GRXCR1: variants seen among roughly 807,000 people sequenced by gnomAD.
GRXCR1 encodes glutaredoxin and cysteine rich domain containing 1.
In GRXCR1, 27 loss-of-function variants were observed where a neutral mutation model predicts 27.3. The observed-to-expected ratio is 0.99, with a 90% confidence interval of 0.73 to 1.37. The LOEUF is 1.37. Among genes scored for constraint, GRXCR1 ranks in the 40% most tolerant of loss-of-function variants. The pLI, the probability that GRXCR1 is intolerant of heterozygous loss-of-function variation, is 0.00. For synonymous variants in GRXCR1, 122 were observed against 131.1 expected (o/e 0.93, Z 0.47); for missense variants, 379 against 354.4 (o/e 1.07, Z -0.56).
At chr4:42,972,959 G>C (rs577241692) in intron 2 of GRXCR1, among the ~76,000 whole-genome samples, 2 of 151,950 alleles carry the variant, frequency 1.3e-5, no homozygotes, top group Non-Finnish European at 2.9e-5. Context: ...ACAATTTTCT[G>C]TCCTTTAGTC....
intron 1 of GRXCR1, among the ~76,000 whole-genome samples, chr4:42,931,952 G>A (rs557864349): frequency 6.6e-6 from 1 of 151,912 alleles, no homozygotes; most frequent in Non-Finnish European, 1.5e-5. Context: ...CATGGTGGCC[G>A]GCAATAGAGA....
chr4:42,999,620 T>C (rs1218521543), intron 2 of GRXCR1, among the ~76,000 whole-genome samples: 1 of 152,248 alleles, frequency 6.6e-6, no homozygotes, highest in Non-Finnish European at 1.5e-5. Context: ...GTCCACTTTT[T>C]CCCTCAAGAT....
intron 3 of GRXCR1, among the ~76,000 whole-genome samples, chr4:43,021,045 G>T (rs1472710923): frequency 6.6e-6 from 1 of 152,144 alleles, no homozygotes; most frequent in East Asian, 1.9e-4. Context: ...GTTAGTAATT[G>T]TTCTGGGACA....
chr4:42,972,935 G>A (rs548261085), intron 2 of GRXCR1, among the ~76,000 whole-genome samples: 6 of 152,008 alleles, frequency 3.9e-5, no homozygotes, highest in South Asian at 4.2e-4. Flanking sequence ...ACTTAGTAAC[G>A]TCCTGCTTTG....
At chr4:42,990,228 G>C (rs555461946) in intron 2 of GRXCR1, among the ~76,000 whole-genome samples, 172 of 95,738 alleles carry the variant, frequency 1.8e-3, no homozygotes, top group Admixed American at 3.0e-3. Flanking sequence ...GTCTCGCTCT[G>C]TCGCCCAGGC....
intron 1 of GRXCR1, among the ~76,000 whole-genome samples, chr4:42,909,898 G>A (rs1746681363): frequency 6.6e-6 from 1 of 152,080 alleles, no homozygotes; most frequent in Non-Finnish European, 1.5e-5. Flanking sequence ...AGGGATGAAG[G>A]CATTTTCAAG....
At position 42,939,123 on chromosome 4, in the gene GRXCR1, C is replaced by T. The variant is rs183397073; in HGVS notation, c.385-23769C>T. The stretch of plus-strand genomic sequence containing the variant: ...AGACATTTTAACAATGTTGATTCTT[C>T]CAACTCATGAACATAAAATATGTTT... On this transcript the variant is annotated intron_variant, in intron 1 of 3. Transcript: ENST00000399770. Among the ~76,000 whole-genome samples the T allele has an allele frequency of 3.7e-3, 561 of 152,164 alleles. 2 individuals are homozygous for T. The highest frequency in any genetic ancestry group is 0.013 in the African/African-American group (542 of 41,544).
In GRXCR1 at chr4:42,895,930, G is replaced by A. The variant is rs919228372; in HGVS notation, c.384+2280G>A. Among the ~76,000 whole-genome samples the A allele has an allele frequency of 2.6e-5, 4 of 152,096 alleles. No homozygotes were observed. The South Asian group carries it at 8.3e-4, about 32-fold the overall frequency. On this transcript the variant is annotated intron_variant, in intron 1 of 3. Coordinates refer to ENST00000399770, the MANE Select transcript of GRXCR1 (RefSeq NM_001080476.3). ...AAGTAAGCGGTAAACTTGACTGGAT[G>A]TAATTTAGTAATCTCCCTCAGGGAG...
chr4:42,986,380 G>C (rs976989107), intron 2 of GRXCR1, among the ~76,000 whole-genome samples: 21 of 152,210 alleles, frequency 1.4e-4, no homozygotes, highest in Non-Finnish European at 3.1e-4. Context: ...TAACAAGGTT[G>C]AGTGGGCCCA....
At chr4:42,951,552 C>A (rs1577918203) in intron 1 of GRXCR1, among the ~76,000 whole-genome samples, 1 of 152,116 alleles carries the variant, frequency 6.6e-6, no homozygotes, top group South Asian at 2.1e-4. Context: ...AGGTAGATCC[C>A]AGTCATCGTA....
At chr4:42,919,614 G>C (rs1179210898) in intron 1 of GRXCR1, among the ~76,000 whole-genome samples, 1 of 152,034 alleles carries the variant, frequency 6.6e-6, no homozygotes, top group Non-Finnish European at 1.5e-5. Flanking sequence ...AATACATTTG[G>C]ATGATACAAA....
intron 3 of GRXCR1, among the ~76,000 whole-genome samples, chr4:43,022,522 A>G (rs1713127495): frequency 6.6e-6 from 1 of 152,230 alleles, no homozygotes. Context: ...GTTATTTTTA[A>G]TGTTCAAAAT....
intron 2 of GRXCR1, among the ~76,000 whole-genome samples, chr4:42,981,384 T>A (rs922902576): frequency 2.0e-5 from 3 of 152,204 alleles, no homozygotes; most frequent in Non-Finnish European, 4.4e-5. Flanking sequence ...TTTGTCTTTT[T>A]ATACTGCATA....
chr4:43,008,511 T>C (rs1260350408), intron 2 of GRXCR1, among the ~76,000 whole-genome samples: 1 of 152,226 alleles, frequency 6.6e-6, no homozygotes, highest in Non-Finnish European at 1.5e-5. Context: ...TCTTAACATA[T>C]CTTCCATCAG....
intron 1 of GRXCR1, among the ~76,000 whole-genome samples, chr4:42,904,690 C>G (rs563018698): frequency 6.6e-6 from 1 of 152,162 alleles, no homozygotes; most frequent in South Asian, 2.1e-4. Flanking sequence ...TATAAGTACT[C>G]AATAAATACT....
At chr4:42,978,700 G>GT (rs1302705912) in intron 2 of GRXCR1, among the ~76,000 whole-genome samples, 5 of 151,958 alleles carry the variant, frequency 3.3e-5, no homozygotes, top group African/African-American at 1.2e-4. Context: ...TTTTATTAGA[G>GT]TTTTTTAACA....
intron 2 of GRXCR1, among the ~76,000 whole-genome samples, chr4:42,970,835 A>T (rs116261833): frequency 0.031 from 4,656 of 152,256 alleles, 80 homozygotes; most frequent in South Asian, 0.058. Context: ...TCCGCAGAAA[A>T]TCAGTTTTTC....
At chr4:42,919,712 G>A (rs1398307195) in intron 1 of GRXCR1, among the ~76,000 whole-genome samples, 1 of 151,908 alleles carries the variant, frequency 6.6e-6, no homozygotes, top group African/African-American at 2.4e-5. Flanking sequence ...GGGGAAACAA[G>A]GCCATTTCCA....
At chr4:42,899,888 T>A (rs1746425767) in intron 1 of GRXCR1, among the ~76,000 whole-genome samples, 1 of 152,158 alleles carries the variant, frequency 6.6e-6, no homozygotes, top group Non-Finnish European at 1.5e-5. Flanking sequence ...CTGTCTGAAT[T>A]CTGGCTTTAG....
Sources: allele counts gnomAD v4.1 joint callset (sites outside exome capture counted in the v4.1 genomes callset), GRCh38; gene constraint gnomAD v4.1.1; transcripts MANE v1.5; gene names NCBI Gene and HGNC (gene_info 2026-07-23, HGNC 2026-07-21).